ST3GAL5: variants seen among roughly 807,000 people sequenced by gnomAD.
The protein encoded by ST3GAL5 is ST3 beta-galactoside alpha-2,3-sialyltransferase 5, also known as lactosylceramide alpha-2,3-sialyltransferase.
Under a neutral mutation model 46.1 loss-of-function variants are expected in ST3GAL5, and 25 were observed. That is an observed-to-expected ratio of 0.54 (90% CI 0.40 to 0.76). The LOEUF is 0.76. Ranked by LOEUF, ST3GAL5 falls within the 30% of genes least tolerant of loss-of-function variation. The pLI, the probability that ST3GAL5 is intolerant of heterozygous loss-of-function variation, is 0.00. For missense variants in ST3GAL5, 431 were observed against 521.2 expected (o/e 0.83, Z 1.69); for synonymous variants, 182 against 192.7 (o/e 0.94, Z 0.46).
rs1247262161 is a variant in ST3GAL5, at chr2:85,837,181, A to G, written c.*2963T>C. On this transcript the variant is annotated 3_prime_UTR_variant, in exon 7 of 7. Transcript: ENST00000638572. ...GCTATTCACATAGCCAAAACATGAA[A>G]TCAACCTAAGTGTCCATCAATGGGT... 6.6e-6 allele frequency: 1 copy of G among 152,246 alleles called. No homozygotes were observed. The highest frequency in any genetic ancestry group is 1.5e-5 in the Non-Finnish European group (1 of 68,040). 9.4% of individuals were successfully genotyped at this position (152,246 alleles called of 1,614,324 possible). A position where few individuals can be genotyped will look rare whatever the true frequency, so the allele number is the denominator to read the frequency against.
intron 1 of ST3GAL5, among the ~76,000 whole-genome samples, chr2:85,887,128 G>A (rs1298748595): frequency 6.6e-6 from 1 of 152,110 alleles, no homozygotes; most frequent in African/African-American, 2.4e-5. Context: ...GCCTCCCGAG[G>A]CCAACCTGCT....
At chr2:85,866,001 G>A (rs2104102571) in intron 1 of ST3GAL5, 1 of 152,398 alleles carries the variant, frequency 6.6e-6, no homozygotes, top group South Asian at 2.1e-4. Context: ...TCCTGCAGCA[G>A]TCGTGTGCAT....
intron 1 of ST3GAL5, among the ~76,000 whole-genome samples, chr2:85,878,188 G>A (rs538593963): frequency 6.6e-6 from 1 of 152,358 alleles, no homozygotes; most frequent in Admixed American, 6.5e-5. Context: ...ACCAGGTTTA[G>A]AAACTCTGAT....
At chr2:85,885,927 C>T (rs538579965) in intron 1 of ST3GAL5, among the ~76,000 whole-genome samples, 1 of 152,124 alleles carries the variant, frequency 6.6e-6, no homozygotes, top group East Asian at 1.9e-4. Context: ...AATGCAGACA[C>T]ATATGTACCA....
At chr2:85,878,764 C>T (rs1686845728) in intron 1 of ST3GAL5, among the ~76,000 whole-genome samples, 1 of 152,092 alleles carries the variant, frequency 6.6e-6, no homozygotes, top group South Asian at 2.1e-4. Flanking sequence ...CCCAAATACT[C>T]GAAATACCAA....
chr2:85,844,654 C>A, intron 5 of ST3GAL5, 100 bp from the exon 6 acceptor site: 1 of 1,513,742 alleles, frequency 6.6e-7, no homozygotes, highest in Non-Finnish European at 9.1e-7. Flanking sequence ...CCCCATGTGG[C>A]CCTGTGCACT....
intron 3 of ST3GAL5, chr2:85,851,310 A>G: frequency 1.7e-6 from 2 of 1,162,304 alleles, no homozygotes; most frequent in South Asian, 3.6e-5. Context: ...TGGATGCAGT[A>G]GTAAATCCTG....
chr2:85,862,992 C>T (rs1164260983), intron 2 of ST3GAL5, among the ~76,000 whole-genome samples: 1 of 152,150 alleles, frequency 6.6e-6, no homozygotes, highest in African/African-American at 2.4e-5. Flanking sequence ...ATTCAAGGGC[C>T]TTCAGGGAAA....
intron 1 of ST3GAL5, among the ~76,000 whole-genome samples, chr2:85,864,829 T>C (rs184085914): frequency 4.6e-4 from 70 of 152,322 alleles, no homozygotes; most frequent in Non-Finnish European, 1.0e-4. Context: ...GAAGACTACA[T>C]TTCCCAGTCT....
intron 1 of ST3GAL5, among the ~76,000 whole-genome samples, chr2:85,883,250 G>C (rs1003224696): frequency 1.3e-5 from 2 of 152,164 alleles, no homozygotes; most frequent in Non-Finnish European, 2.9e-5. Flanking sequence ...ATGGGGGCCG[G>C]TCTTTCCCAT....
intron 3 of ST3GAL5, chr2:85,852,894 G>A: frequency 1.5e-6 from 2 of 1,304,248 alleles, no homozygotes; most frequent in Non-Finnish European, 1.0e-6. Flanking sequence ...GGAAAGCGGG[G>A]AGCAGCACTA....
rs1225642452 is a variant in ST3GAL5, at chr2:85,846,506, T to C, written c.720A>G (p.Ile240Met). ...YSEHVGNKTT[I>M]RMTYPEGAPL... is the part of the protein sequence containing the mutation. ...GTGCGCCCTCTGGATAAGTCATCCT[T>C]ATAGTAGTTTTATTTCCAACATGTT... The change falls in exon 5 of 7, where the codon ATA (isoleucine) becomes ATG (methionine). Residue 240 changes from isoleucine (I) to methionine (M), a missense_variant. Ile to Met is a conservative substitution (Grantham distance 10, BLOSUM62 1). Transcript: ENST00000638572. The C allele has an allele frequency of 4.3e-6, 7 of 1,614,194 alleles. No individual in the cohort carries two copies. The highest frequency in any genetic ancestry group is 5.9e-6 in the Non-Finnish European group (7 of 1,180,022).
chr2:85,840,430 AT>A, intron 6 of ST3GAL5, 38 bp from the exon 7 acceptor site: 1 of 1,609,914 alleles, frequency 6.2e-7, no homozygotes, highest in Non-Finnish European at 8.5e-7. Flanking sequence ...GTAAAAAAAA[AT>A]TTTGGCACAA....
intron 1 of ST3GAL5, among the ~76,000 whole-genome samples, chr2:85,882,246 G>A (rs1316582142): frequency 1.3e-5 from 2 of 152,232 alleles, no homozygotes; most frequent in East Asian, 3.8e-4. Context: ...CAGTGCAGAA[G>A]GGAAATGTGG....
At chr2:85,851,332 ACATGTCCTGGC>A (rs1471248939) in intron 3 of ST3GAL5, 1 of 1,168,264 alleles carries the variant, frequency 8.6e-7, no homozygotes, top group African/African-American at 1.6e-5. Flanking sequence ...GTGAGTTTCT[ACATGTCCTGGC>A]AACGTCTAAA....
intron 3 of ST3GAL5, 59 bp downstream of exon 3, chr2:85,861,122 T>G (rs1444023220): frequency 9.0e-7 from 1 of 1,116,292 alleles, no homozygotes; most frequent in Non-Finnish European, 1.4e-6. Context: ...AATGATATTA[T>G]AGTTTGAGCA....
intron 6 of ST3GAL5, among the ~76,000 whole-genome samples, chr2:85,841,531 C>T (rs1419735124): frequency 2.0e-5 from 3 of 152,092 alleles, no homozygotes; most frequent in Non-Finnish European, 4.4e-5. Context: ...AATAGGGTTT[C>T]ACCATGTTGC....
intron 1 of ST3GAL5, among the ~76,000 whole-genome samples, chr2:85,873,162 C>T (rs1175155180): frequency 6.6e-6 from 1 of 152,166 alleles, no homozygotes; most frequent in East Asian, 1.9e-4. Context: ...GCACATCTGC[C>T]TTCCATCCCC....
intron 3 of ST3GAL5, chr2:85,848,413 C>A (rs780062029): frequency 6.5e-7 from 1 of 1,529,816 alleles, no homozygotes; most frequent in South Asian, 1.2e-5. Context: ...GAGATAAACA[C>A]AGCAGGGTAT....
Sources: gnomAD v4.1 joint callset for allele counts (sites outside exome capture counted in the v4.1 genomes callset) on GRCh38, gnomAD v4.1.1 for gene constraint, MANE v1.5 for transcripts, NCBI Gene and HGNC (gene_info 2026-07-23, HGNC 2026-07-21) for gene names.